The following CCNH variants were observed in gnomAD, a reference collection of about 807,000 sequenced individuals.
CCNH encodes the protein cyclin-H.
A neutral mutation model predicts 41.9 loss-of-function variants in CCNH; 31 were observed. The observed-to-expected ratio is 0.74, with a 90% CI of 0.56 to 1.00. CCNH has a LOEUF of 1.00. Ranked by LOEUF, CCNH falls within the 50% of genes least tolerant of loss-of-function variation. The pLI, the probability that CCNH is intolerant of heterozygous loss-of-function variation, is 0.00. For missense variants in CCNH, 362 were observed against 388.4 expected (o/e 0.93, Z 0.57); for synonymous variants, 138 against 136.1 (o/e 1.01, Z -0.10).
chr5:87,353,265 T>C (rs774633342), intron 9 of CCNH: 2 of 1,517,774 alleles, frequency 1.3e-6, no homozygotes, highest in Non-Finnish European at 1.8e-6. Context: ...TTGCAATAAT[T>C]AGCATTTTAT....
At chr5:87,388,678 T>C (rs968368616), downstream of CCNH, among the ~76,000 whole-genome samples, 2 of 152,184 alleles carry the variant, frequency 1.3e-5, no homozygotes, top group African/African-American at 4.8e-5. Flanking sequence ...TCCCACACAT[T>C]AGCAAGTATT....
intron 9 of CCNH, among the ~76,000 whole-genome samples, chr5:87,329,050 G>A (rs1181941886): frequency 6.6e-6 from 1 of 152,046 alleles, no homozygotes; most frequent in African/African-American, 2.4e-5. Flanking sequence ...TTGACATGAA[G>A]GAAATTGCTA....
At chr5:87,405,674 A>C (rs571644954) in intron 4 of CCNH, among the ~76,000 whole-genome samples, 1 of 152,028 alleles carries the variant, frequency 6.6e-6, no homozygotes, top group Non-Finnish European at 1.5e-5. Context: ...CTCCCTTTCT[A>C]ATATATTTAC....
At chr5:87,390,861 C>T (rs765451479), downstream of CCNH, 4 of 1,612,966 alleles carry the variant, frequency 2.5e-6, no homozygotes, top group East Asian at 6.7e-5. Context: ...AACCAGTATA[C>T]AAAAACCAAT....
At chr5:87,390,885 A>C (rs1343332507), downstream of CCNH, 2 of 1,606,418 alleles carry the variant, frequency 1.2e-6, no homozygotes, top group African/African-American at 2.7e-5. Context: ...GTCAGGTAGC[A>C]GCCTTCGCCC....
chr5:87,320,523 C>T (rs959892577), intron 9 of CCNH, among the ~76,000 whole-genome samples: 3 of 152,172 alleles, frequency 2.0e-5, no homozygotes, highest in African/African-American at 7.2e-5. Context: ...GAAGCAAGAA[C>T]ATCTTCACAT....
chr5:87,376,285 G>A, exon 1 of CCNH: 1 of 1,316,710 alleles, frequency 7.6e-7, no homozygotes, highest in Non-Finnish European at 1.1e-6. Context: ...CTCCTTTAAT[G>A]AAAAGCATTT....
chr5:87,388,700 C>A (rs184332014), downstream of CCNH, among the ~76,000 whole-genome samples: 1 of 152,150 alleles, frequency 6.6e-6, no homozygotes, highest in Non-Finnish European at 1.5e-5. Flanking sequence ...TGAGCATAGT[C>A]CACAGATAAT....
chr5:87,376,609 A>C lies in CCNH; in HGVS notation n.572T>G, dbSNP rs762337942. ...GTCTTGTTTTTGTTGGAATTAACAG[A>C]AACATTTAACATTTAATAAAAGATC... is the stretch of plus-strand genomic sequence containing the variant. On this transcript the variant is annotated non_coding_transcript_exon_variant, in exon 1 of 1. Coordinates refer to the CCNH transcript ENST00000607486. The C allele has an allele frequency of 3.2e-6, 5 of 1,580,432 alleles. No individual in the cohort carries two copies. The Admixed American group carries it at 8.3e-5, about 26-fold the overall frequency.
At chr5:87,384,318 A>AT (rs1305635383) in intron 9 of CCNH, among the ~76,000 whole-genome samples, 5 of 152,134 alleles carry the variant, frequency 3.3e-5, no homozygotes, top group Non-Finnish European at 5.9e-5. Flanking sequence ...CCATATATCC[A>AT]TTTTGAGATG....
At chr5:87,382,660 C>A (rs1761801361) in intron 9 of CCNH, among the ~76,000 whole-genome samples, 1 of 152,294 alleles carries the variant, frequency 6.6e-6, no homozygotes, top group South Asian at 2.1e-4. Flanking sequence ...GCTTTTAACA[C>A]TGACATTGTC....
chr5:87,363,515 G>A (rs774999601), intron 9 of CCNH: 1 of 1,607,972 alleles, frequency 6.2e-7, no homozygotes, highest in South Asian at 1.1e-5. Context: ...GTAAGAGACT[G>A]GTTTCCTATT....
At chr5:87,380,390 T>C, upstream of CCNH, 1 of 910,660 alleles carries the variant, frequency 1.1e-6, no homozygotes, top group Non-Finnish European at 1.8e-6. Context: ...AATACTTTTT[T>C]GGGTAAAAGG....
intron 9 of CCNH, chr5:87,363,218 A>G (rs928423204): frequency 1.4e-5 from 12 of 840,548 alleles, no homozygotes; most frequent in Non-Finnish European, 9.2e-6. Context: ...TCATTATGTA[A>G]GAATTGGCAT....
chr5:87,397,595 AT>A (rs1011286854), intron 7 of CCNH, among the ~76,000 whole-genome samples: 1 of 151,752 alleles, frequency 6.6e-6, no homozygotes, highest in African/African-American at 2.4e-5. Flanking sequence ...ACATCTAGTG[AT>A]TTTTTTTTAA....
At chr5:87,333,360 G>T in intron 9 of CCNH, 1 of 1,610,872 alleles carries the variant, frequency 6.2e-7, no homozygotes, top group Non-Finnish European at 8.5e-7. Flanking sequence ...CTATTCTCAT[G>T]TATAGGCATT....
Position 87,385,334 on chromosome 5 carries a change from T to C in CCNH, c.*90+7436A>G, listed in dbSNP as rs1761993319. On this transcript the variant is annotated intron_variant and NMD_transcript_variant, in intron 9 of 9. Transcript: ENST00000645953. ...TCTCCTATTGCTGCAAGAACACTGATATTAGTGGCTAAATCTGTGCAGAAC... is the reference window on the plus strand; with the variant it reads ...TCTCCTATTGCTGCAAGAACACTGACATTAGTGGCTAAATCTGTGCAGAAC... 2 of 1,611,610 alleles carry C rather than the reference T, an allele frequency of 1.2e-6. No homozygotes were observed. Among genetic ancestry groups the C allele is most frequent in the Non-Finnish European group, 1.7e-6 (2 of 1,177,984 alleles).
intron 9 of CCNH, chr5:87,363,254 T>C (rs2112459243): frequency 1.7e-6 from 2 of 1,143,932 alleles, no homozygotes; most frequent in South Asian, 1.4e-5. Context: ...GAATAAAAAT[T>C]GATTGATTCA....
chr5:87,372,221 T>C, downstream of CCNH: 1 of 1,594,098 alleles, frequency 6.3e-7, no homozygotes, highest in Non-Finnish European at 8.6e-7. Context: ...CTTGGATTTT[T>C]AATTGTCACA....
Sources: gnomAD v4.1 joint callset for allele counts (sites outside exome capture counted in the v4.1 genomes callset) on GRCh38, gnomAD v4.1.1 for gene constraint, MANE v1.5 for transcripts, NCBI Gene and HGNC (gene_info 2026-07-23, HGNC 2026-07-21) for gene names.